Variants in PLXNA2 observed in about 807,000 individuals in gnomAD.
PLXNA2 encodes plexin A2.
A neutral mutation model predicts 193.5 loss-of-function variants in PLXNA2; 91 were observed. The observed-to-expected ratio is 0.47, with a 90% CI of 0.40 to 0.56. PLXNA2 has a LOEUF of 0.56. PLXNA2 is among the 20% of genes least tolerant of loss of function. PLXNA2 has a pLI of 0.00. For missense variants in PLXNA2, 1,995 were observed against 2,503.2 expected (o/e 0.80, Z 4.33); for synonymous variants, 997 against 1,027.3 (o/e 0.97, Z 0.56).
chr1:208,149,867 A>G (rs1668705134), intron 3 of PLXNA2, among the ~76,000 whole-genome samples: 1 of 152,168 alleles, frequency 6.6e-6, no homozygotes, highest in South Asian at 2.1e-4. Flanking sequence ...ACTCTCTCAC[A>G]TACGCATTCA....
At chr1:208,149,287 T>C (rs1468570542) in intron 3 of PLXNA2, among the ~76,000 whole-genome samples, 2 of 151,826 alleles carry the variant, frequency 1.3e-5, no homozygotes, top group East Asian at 1.9e-4. Flanking sequence ...GGATGTGTGA[T>C]ATGTATGTGT....
In PLXNA2 at chr1:208,039,554, C is replaced by T; in HGVS notation, c.4500+67G>A. ...TGACCCCCTAGACTGCTTTTATGGA[C>T]AGAAGGCAGAGCAAGGGGCAGAAGT... On this transcript the variant is annotated intron_variant, in intron 24 of 31. Coordinates refer to ENST00000367033, the MANE Select transcript of PLXNA2 (RefSeq NM_025179.4). The T allele has an allele frequency of 6.2e-6, 10 of 1,600,056 alleles. No homozygotes were observed. The South Asian group carries it at 6.7e-5, about 11-fold the overall frequency.
At chr1:208,130,485 C>T (rs1470496216) in intron 4 of PLXNA2, among the ~76,000 whole-genome samples, 1 of 152,366 alleles carries the variant, frequency 6.6e-6, no homozygotes, top group East Asian at 1.9e-4. Flanking sequence ...TTCTCACAAG[C>T]ACATGCATAC....
chr1:208,195,708 C>G (rs946802229), intron 3 of PLXNA2, among the ~76,000 whole-genome samples: 1 of 151,712 alleles, frequency 6.6e-6, no homozygotes, highest in African/African-American at 2.4e-5. Flanking sequence ...TGGACTAATG[C>G]TAATACACAG....
In PLXNA2 at chr1:208,033,469, C is replaced by A; in HGVS notation, c.4905G>T (p.Arg1635=). 6.2e-7 allele frequency: 1 copy of A among 1,613,140 alleles called. No homozygotes were observed. The highest frequency in any genetic ancestry group is 1.3e-5 in the African/African-American group (1 of 75,010). The change falls in exon 28 of 32, where the codon CGG becomes CGT. Residue 1635 remains arginine (R), a synonymous_variant. Coordinates refer to ENST00000367033, the MANE Select transcript of PLXNA2 (RefSeq NM_025179.4). ...FRYTGSPDSL[R]SRAPMITPDL... ...CTGGGGTGATCATCGGGGCCCGGGA[C>A]CGCAGGCTGTCGGGGCTGCCCGTAT...
chr1:208,100,072 G>T (rs1389911772), intron 5 of PLXNA2, among the ~76,000 whole-genome samples: 1 of 151,110 alleles, frequency 6.6e-6, no homozygotes, highest in Non-Finnish European at 1.5e-5. Context: ...TTCCTCAACT[G>T]TAAAAAAAAA....
chr1:208,120,860 T>C (rs1667785971), intron 4 of PLXNA2, among the ~76,000 whole-genome samples: 2 of 152,032 alleles, frequency 1.3e-5, no homozygotes, highest in South Asian at 4.1e-4. Context: ...CACCTTTGGG[T>C]CTGAGAGCAG....
intron 1 of PLXNA2, 88 bp downstream of exon 1, chr1:208,243,555 C>T (rs1326459027): frequency 1.3e-5 from 2 of 152,036 alleles, no homozygotes; most frequent in Admixed American, 1.3e-4. Context: ...GAGGCGGGCG[C>T]GGGAGAAGCC....
At chr1:208,187,637 G>A (rs6656369) in intron 3 of PLXNA2, among the ~76,000 whole-genome samples, 8,383 of 152,258 alleles carry the variant, frequency 0.055, 674 homozygotes, top group East Asian at 0.36. Flanking sequence ...GAAGACGTCT[G>A]CAAGGTACTC....
At chr1:208,136,387 G>A (rs1668301972) in intron 4 of PLXNA2, among the ~76,000 whole-genome samples, 1 of 152,246 alleles carries the variant, frequency 6.6e-6, no homozygotes, top group African/African-American at 2.4e-5. Context: ...GGGTCTGAAT[G>A]TTCACTACCT....
At chr1:208,036,935 T>G (rs1664686903) in intron 26 of PLXNA2, among the ~76,000 whole-genome samples, 1 of 152,144 alleles carries the variant, frequency 6.6e-6, no homozygotes, top group East Asian at 1.9e-4. Context: ...ACTCATGATT[T>G]GGGGGCATCA....
rs1558174784 is a variant in PLXNA2, at chr1:208,067,820, C to A, written c.2587-6983G>T. The stretch of plus-strand genomic sequence containing the variant: ...ATCCCCATGGTTAAGCGATGCATGA[C>A]TGTACATGTGCTCGCTGGGAGAGCT... On this transcript the variant is annotated intron_variant, in intron 12 of 31. Coordinates refer to ENST00000367033, the MANE Select transcript of PLXNA2 (RefSeq NM_025179.4). Among the ~76,000 whole-genome samples, 2 of 152,314 alleles carry A rather than the reference C, an allele frequency of 1.3e-5. 1 individual carries two copies. Among genetic ancestry groups the A allele is most frequent in the South Asian group, 4.1e-4 (2 of 4,826 alleles).
intron 12 of PLXNA2, 62 bp from the exon 13 acceptor site, chr1:208,060,899 C>A: frequency 6.6e-7 from 1 of 1,518,372 alleles, no homozygotes; most frequent in Non-Finnish European, 9.1e-7. Context: ...CAGCAGCACC[C>A]TTCCCCCTCC....
intron 3 of PLXNA2, among the ~76,000 whole-genome samples, chr1:208,179,266 T>A (rs972644277): frequency 1.3e-5 from 2 of 152,190 alleles, no homozygotes; most frequent in African/African-American, 4.8e-5. Context: ...ATAATGATGA[T>A]AATAGCACCA....
chr1:208,098,458 T>TCTCTCTCACACA (rs368366958), intron 6 of PLXNA2, among the ~76,000 whole-genome samples: 29 of 123,516 alleles, frequency 2.3e-4, no homozygotes, highest in African/African-American at 9.2e-4. Context: ...TCTCTCTCTC[T>TCTCTCTCACACA]CACACACACA....
chr1:208,062,613 T>A (rs1482187252), intron 12 of PLXNA2, among the ~76,000 whole-genome samples: 1 of 152,176 alleles, frequency 6.6e-6, no homozygotes, highest in Non-Finnish European at 1.5e-5. Context: ...CAAGTCACCT[T>A]GTCTATGGCT....
At chr1:208,199,430 C>G (rs932232935) in intron 3 of PLXNA2, among the ~76,000 whole-genome samples, 3 of 152,198 alleles carry the variant, frequency 2.0e-5, no homozygotes, top group African/African-American at 7.2e-5. Flanking sequence ...CAGTGGCTCA[C>G]GCCTGTAATC....
At chr1:208,113,769 C>T (rs776531725) in intron 4 of PLXNA2, among the ~76,000 whole-genome samples, 28 of 151,986 alleles carry the variant, frequency 1.8e-4, no homozygotes, top group Non-Finnish European at 2.5e-4. Flanking sequence ...TGGCTCAGGC[C>T]GGTCTTGAAC....
At chr1:208,098,297 G>T (rs918097879) in intron 6 of PLXNA2, among the ~76,000 whole-genome samples, 1 of 152,152 alleles carries the variant, frequency 6.6e-6, no homozygotes, top group Non-Finnish European at 1.5e-5. Flanking sequence ...AAATAATAAT[G>T]CAGGGCCTGA....
Sources: gnomAD v4.1 joint callset for allele counts (sites outside exome capture counted in the v4.1 genomes callset) on GRCh38, gnomAD v4.1.1 for gene constraint, MANE v1.5 for transcripts, NCBI Gene and HGNC (gene_info 2026-07-23, HGNC 2026-07-21) for gene names.